CYLD: variants seen among roughly 807,000 people sequenced by gnomAD.
CYLD encodes CYLD lysine 63 deubiquitinase.
In CYLD, 26 loss-of-function variants were observed where a neutral mutation model predicts 104.5. The ratio of observed to expected loss-of-function variants is 0.25; its 90% CI spans 0.18 to 0.35. The LOEUF (loss-of-function observed/expected upper bound fraction) is 0.35. Ranked by LOEUF, CYLD falls within the 10% of genes least tolerant of loss-of-function variation. The pLI, the probability that CYLD is intolerant of heterozygous loss-of-function variation, is 1.00. For missense variants in CYLD, 703 were observed against 1,136.1 expected (o/e 0.62, Z 5.48); for synonymous variants, 385 against 399.9 (o/e 0.96, Z 0.45).
chr16:50,749,071 A>G (rs1232608662), intron 2 of CYLD, among the ~76,000 whole-genome samples: 1 of 152,124 alleles, frequency 6.6e-6, no homozygotes, highest in African/African-American at 2.4e-5. Flanking sequence ...GTGTGGTGAT[A>G]TGCGTCTATA....
chr16:50,792,721 T>C lies in CYLD; in HGVS notation c.2350+16T>C. ...CTTGAAGACAGTAAGTATGAGATTT[T>C]TTTAGTTTGTTTTGTTGGTTTTGTG... On this transcript the variant is annotated intron_variant, in intron 16 of 18. Transcript: ENST00000427738. 3 of 1,298,352 alleles carry C rather than the reference T, an allele frequency of 2.3e-6. No homozygotes were observed. Among genetic ancestry groups the C allele is most frequent in the Non-Finnish European group, 3.3e-6 (3 of 907,688 alleles). 80.4% of individuals were successfully genotyped at this position (1,298,352 alleles called of 1,614,324 possible).
chr16:50,783,543 T>G (rs1970485461), intron 11 of CYLD, among the ~76,000 whole-genome samples: 1 of 152,098 alleles, frequency 6.6e-6, no homozygotes, highest in African/African-American at 2.4e-5. Context: ...CTGCTGTCAC[T>G]CGTTTATTTT....
chr16:50,778,429 T>C (rs570860506), intron 8 of CYLD: 1 of 157,968 alleles, frequency 6.3e-6, no homozygotes, highest in African/African-American at 2.4e-5. Context: ...GTTGTTGAGA[T>C]AGAAATTAGT....
chr16:50,765,779 A>G (rs1968440624), intron 5 of CYLD, among the ~76,000 whole-genome samples: 2 of 152,242 alleles, frequency 1.3e-5, no homozygotes, highest in Non-Finnish European at 2.9e-5. Context: ...TTATCTGGAT[A>G]GAAGATCAAA....
At chr16:50,745,358 C>G (rs950399764) in intron 2 of CYLD, among the ~76,000 whole-genome samples, 1 of 106,382 alleles carries the variant, frequency 9.4e-6, no homozygotes, top group African/African-American at 4.4e-5. Flanking sequence ...TCTCTTTCCT[C>G]TTTGTTTTTT....
rs550109456 is a variant in CYLD, at chr16:50,754,927, A to G, written c.913+503A>G. Among the ~76,000 whole-genome samples, 89 of 148,642 alleles carry G rather than the reference A, an allele frequency of 6.0e-4. 1 individual carries two copies. The highest frequency in any genetic ancestry group is 1.6e-3 in the Admixed American group (23 of 14,768). On this transcript the variant is annotated intron_variant, in intron 5 of 18. Coordinates refer to ENST00000427738, the MANE Select transcript of CYLD (RefSeq NM_001378743.1). The stretch of plus-strand genomic sequence containing the variant: ...TACACACATATATGTATACATATAT[A>G]CACACATATGTATATATACACACAT...
At position 50,755,419 on chromosome 16, in the gene CYLD, G is replaced by C. The variant is rs535631460; in HGVS notation, c.913+995G>C. On this transcript the variant is annotated intron_variant, in intron 5 of 18. Coordinates refer to ENST00000427738, the MANE Select transcript of CYLD (RefSeq NM_001378743.1). ...TAGTAGTGGGATTGCTGGATCAAACGCTAGAGCTACTTTTATCTTTAAGGA... is the reference window on the plus strand; with the variant it reads ...TAGTAGTGGGATTGCTGGATCAAACCCTAGAGCTACTTTTATCTTTAAGGA... 2.8e-3 allele frequency among the ~76,000 whole-genome samples: 420 copies of C among 152,102 alleles called. 1 individual carries two copies. The highest frequency in any genetic ancestry group is 9.9e-3 in the African/African-American group (410 of 41,500).
At position 50,776,276 on chromosome 16, in the gene CYLD, A is replaced by G; in HGVS notation, c.1020A>G (p.Thr340=). The part of the protein sequence containing the change: ...GSSSHNKPKA[T]GSTSDPGNRN... ...CCAGTCATAATAAACCAAAGGCTAC[A>G]GGTATGGATTAATAGCATATAACCT... Residue 340 remains threonine, a splice_region_variant and synonymous_variant, in exon 7 of 19, where the codon ACA becomes ACG. Coordinates refer to ENST00000427738, the MANE Select transcript of CYLD (RefSeq NM_001378743.1). 1.2e-6 allele frequency: 2 copies of G among 1,604,420 alleles called. No homozygotes were observed. Among genetic ancestry groups the G allele is most frequent in the South Asian group, 1.1e-5 (1 of 90,902 alleles).
intron 10 of CYLD, 144 bp downstream of exon 10, chr16:50,781,555 A>G (rs1970216485): frequency 1.9e-6 from 2 of 1,077,508 alleles, no homozygotes; most frequent in Non-Finnish European, 2.7e-6. Flanking sequence ...AAAATGTTGC[A>G]TGGTGTATAA....
At chr16:50,758,122 G>A (rs909772932) in intron 5 of CYLD, among the ~76,000 whole-genome samples, 1 of 152,214 alleles carries the variant, frequency 6.6e-6, no homozygotes, top group African/African-American at 2.4e-5. Flanking sequence ...GATAAACACA[G>A]TGAGGAGGAA....
At chr16:50,755,136 CGTGTACATATGTGTGTAT>C (rs1567427209) in intron 5 of CYLD, among the ~76,000 whole-genome samples, 17 of 131,276 alleles carry the variant, frequency 1.3e-4, no homozygotes, top group East Asian at 6.3e-4. Context: ...TATATACACA[CGTGTACATATGTGTGTAT>C]ATACACACGT....
At chr16:50,789,511 G>T (rs774571522) in intron 14 of CYLD, among the ~76,000 whole-genome samples, 7 of 152,100 alleles carry the variant, frequency 4.6e-5, no homozygotes, top group Non-Finnish European at 8.8e-5. Context: ...GAGTCTGAAT[G>T]CCTTGTGGGA....
chr16:50,789,908 G>T (rs1037461134), intron 14 of CYLD, among the ~76,000 whole-genome samples: 1 of 152,150 alleles, frequency 6.6e-6, no homozygotes, highest in Non-Finnish European at 1.5e-5. Context: ...TTACCTCATT[G>T]ATGCAGTGTG....
intron 5 of CYLD, among the ~76,000 whole-genome samples, chr16:50,755,144 T>C (rs536650992): frequency 0.097 from 3,859 of 39,586 alleles, 209 homozygotes; most frequent in African/African-American, 0.14. Context: ...CACGTGTACA[T>C]ATGTGTGTAT....
chr16:50,757,124 C>T (rs543355380), intron 5 of CYLD, among the ~76,000 whole-genome samples: 1 of 151,404 alleles, frequency 6.6e-6, no homozygotes, highest in South Asian at 2.1e-4. Context: ...CAGGTCATTT[C>T]AGGTCCTCAG....
Position 50,779,866 on chromosome 16 carries a change from A to G in CYLD, c.1340A>G (p.Glu447Gly). Reference sequence around the variant, plus strand: ...TCTCTGTCAGCCCAGTCTGTAATGGAAGAGCTAAACACTGCACCCGTCCAA... The same window carrying G: ...TCTCTGTCAGCCCAGTCTGTAATGGGAGAGCTAAACACTGCACCCGTCCAA... ...PLSLSAQSVM[E>G]ELNTAPVQES... Residue 447 changes from glutamate to glycine, a missense_variant, in exon 9 of 19, where the codon GAA becomes GGA. Physicochemically the swap from Glu to Gly is moderately conservative, Grantham distance 98. Transcript: ENST00000427738. 1 of 1,613,972 alleles carries G rather than the reference A, an allele frequency of 6.2e-7. No homozygotes were observed. The highest frequency in any genetic ancestry group is 2.2e-5 in the East Asian group (1 of 44,868).
chr16:50,788,901 C>A (rs1009576640), intron 14 of CYLD, among the ~76,000 whole-genome samples: 8 of 151,898 alleles, frequency 5.3e-5, no homozygotes, highest in African/African-American at 1.9e-4. Flanking sequence ...TTATACAGAG[C>A]TAAAAGGGTT....
chr16:50,758,538 G>A (rs1967533966), intron 5 of CYLD, among the ~76,000 whole-genome samples: 1 of 152,186 alleles, frequency 6.6e-6, no homozygotes, highest in African/African-American at 2.4e-5. Context: ...GACAGAAACA[G>A]GGAGACCAGG....
At chr16:50,783,648 C>T (rs1342824149) in intron 11 of CYLD, among the ~76,000 whole-genome samples, 3 of 152,200 alleles carry the variant, frequency 2.0e-5, no homozygotes, top group Middle Eastern at 3.4e-3. Flanking sequence ...AAGCGATTCT[C>T]CTATCTCAGC....
Sources: allele counts gnomAD v4.1 joint callset (sites outside exome capture counted in the v4.1 genomes callset), GRCh38; gene constraint gnomAD v4.1.1; transcripts MANE v1.5; gene names NCBI Gene and HGNC (gene_info 2026-07-23, HGNC 2026-07-21).